The following MYO3A variants were observed in gnomAD, a reference collection of about 807,000 sequenced individuals.
MYO3A encodes myosin-IIIa.
MYO3A carries 180 observed loss-of-function variants against 192.7 expected under a neutral mutation model. That is an observed-to-expected ratio of 0.93 (90% CI 0.83 to 1.06). The LOEUF is 1.06. Ranked by LOEUF, MYO3A falls within the 50% of genes least tolerant of loss-of-function variation. The probability of loss-of-function intolerance (pLI) is 0.00; values close to 1 mark genes in which losing one functional copy is unlikely to be tolerated. For missense variants in MYO3A, 1,896 were observed against 1,905.0 expected (o/e 1.00, Z 0.09); for synonymous variants, 628 against 645.3 (o/e 0.97, Z 0.41).
At chr10:26,196,743 A>G (rs1231107299) in intron 32 of MYO3A, among the ~76,000 whole-genome samples, 1 of 152,182 alleles carries the variant, frequency 6.6e-6, no homozygotes, top group African/African-American at 2.4e-5. Flanking sequence ...CCCTTTCTTG[A>G]TGACCCAGGG....
At chr10:26,142,248 C>G (rs1223896673) in intron 20 of MYO3A, among the ~76,000 whole-genome samples, 1 of 152,242 alleles carries the variant, frequency 6.6e-6, no homozygotes, top group Non-Finnish European at 1.5e-5. Context: ...GATTTATACA[C>G]TTACCCAGGA....
intron 23 of MYO3A, among the ~76,000 whole-genome samples, chr10:26,151,596 C>A (rs1247937622): frequency 6.6e-6 from 1 of 151,946 alleles, no homozygotes; most frequent in Admixed American, 6.6e-5. Flanking sequence ...CACATAGTTG[C>A]GTCTTGGTTT....
At chr10:26,208,030 TGTAA>T (rs1164522351) in intron 34 of MYO3A, among the ~76,000 whole-genome samples, 4 of 151,724 alleles carry the variant, frequency 2.6e-5, no homozygotes, top group East Asian at 1.9e-4. Flanking sequence ...TTGTAGCTAC[TGTAA>T]GTGAGATTGT....
rs1564620758 is a variant in MYO3A, at chr10:26,174,152, A to T, written c.3888A>T (p.Gln1296His). ...EPTLSQRSIY[Q>H]NANSMEKEKK... is the part of the protein sequence containing the mutation. Reference sequence around the variant, plus strand: ...CACTTAGCCAAAGGTCAATTTATCAAAATGCAAACAGCATGGAAAAAGAAA... The same window carrying T: ...CACTTAGCCAAAGGTCAATTTATCATAATGCAAACAGCATGGAAAAAGAAA... Residue 1296 changes from glutamine (Q) to histidine (H), a missense_variant, in exon 30 of 35, where the codon CAA becomes CAT. Physicochemically the swap from Gln to His is conservative, Grantham distance 24. Coordinates refer to ENST00000642920, the MANE Select transcript of MYO3A (RefSeq NM_017433.5). 3 of 1,614,250 alleles carry T rather than the reference A, an allele frequency of 1.9e-6. No homozygotes were observed. In the South Asian group the frequency reaches 3.3e-5, roughly 18 times the overall value.
intron 15 of MYO3A, among the ~76,000 whole-genome samples, chr10:26,089,691 T>G (rs1408510035): frequency 6.6e-6 from 1 of 152,174 alleles, no homozygotes; most frequent in Non-Finnish European, 1.5e-5. Context: ...GGTAAGATAT[T>G]TAAACCTTAA....
At chr10:25,974,132 A>G (rs1838831295) in intron 4 of MYO3A, among the ~76,000 whole-genome samples, 2 of 152,228 alleles carry the variant, frequency 1.3e-5, no homozygotes, top group African/African-American at 4.8e-5. Context: ...AGCAAAAGAA[A>G]CTATCATCAG....
At chr10:26,201,761 G>A (rs577718121) in intron 33 of MYO3A, among the ~76,000 whole-genome samples, 1 of 151,466 alleles carries the variant, frequency 6.6e-6, no homozygotes, top group Non-Finnish European at 1.5e-5. Context: ...ATACATTTAC[G>A]TTACGAATAT....
intron 2 of MYO3A, among the ~76,000 whole-genome samples, chr10:25,950,192 A>G (rs1161044148): frequency 2.6e-5 from 4 of 152,180 alleles, no homozygotes; most frequent in Non-Finnish European, 4.4e-5. Flanking sequence ...GGAAAAGGCT[A>G]TTTGAGGACA....
intron 2 of MYO3A, among the ~76,000 whole-genome samples, chr10:25,946,581 T>C (rs1254874843): frequency 6.6e-6 from 1 of 151,546 alleles, no homozygotes; most frequent in Non-Finnish European, 1.5e-5. Flanking sequence ...CATGGGTTTC[T>C]TTAGATTTGC....
Position 26,024,060 on chromosome 10 carries a change from C to G in MYO3A, c.770C>G (p.Ser257Ter), listed in dbSNP as rs748887227. Residue 257 changes from serine (S) to a stop codon, truncating the protein, a stop_gained, in exon 9 of 35, where the codon TCA becomes TGA. Transcript: ENST00000642920. LOFTEE classifies it high-confidence loss of function. ...PPKLRQPELWSAEFNDFISKC... is the reference protein window; with the variant it reads ...PPKLRQPELW The stretch of plus-strand genomic sequence containing the variant: ...AAACTAAGGCAGCCTGAGCTATGGT[C>G]AGCAGAATTCAATGACTTCATAAGC... The G allele has an allele frequency of 3.7e-6, 6 of 1,612,952 alleles. No homozygotes were observed. In the Admixed American group the frequency reaches 5.0e-5, roughly 13 times the overall value.
intron 6 of MYO3A, among the ~76,000 whole-genome samples, chr10:26,004,080 G>T (rs1271675123): frequency 1.3e-5 from 2 of 152,172 alleles, no homozygotes; most frequent in African/African-American, 4.8e-5. Flanking sequence ...GGACAAGCAA[G>T]CATGGGAGTC....
intron 2 of MYO3A, among the ~76,000 whole-genome samples, chr10:25,948,722 A>T (rs1048319374): frequency 1.3e-5 from 2 of 152,182 alleles, no homozygotes; most frequent in African/African-American, 4.8e-5. Context: ...AGTGTAGTTT[A>T]GCAGTCAAGA....
At chr10:26,113,958 AG>A (rs1175741567) in intron 17 of MYO3A, among the ~76,000 whole-genome samples, 4 of 152,222 alleles carry the variant, frequency 2.6e-5, no homozygotes, top group African/African-American at 7.2e-5. Flanking sequence ...ATTGAACCTA[AG>A]AATAGAGAAC....
chr10:25,949,362 C>A (rs1837059470), intron 2 of MYO3A, among the ~76,000 whole-genome samples: 1 of 152,014 alleles, frequency 6.6e-6, no homozygotes, highest in Admixed American at 6.5e-5. Flanking sequence ...AGGCAGTATT[C>A]CATGTAATGA....
At chr10:26,101,436 A>G (rs980285610) in intron 17 of MYO3A, among the ~76,000 whole-genome samples, 1 of 152,216 alleles carries the variant, frequency 6.6e-6, no homozygotes, top group East Asian at 1.9e-4. Context: ...TCAGCCTGTC[A>G]TTATGATGTT....
At chr10:26,036,413 T>A (rs1269534548) in intron 10 of MYO3A, among the ~76,000 whole-genome samples, 3 of 152,194 alleles carry the variant, frequency 2.0e-5, no homozygotes, top group Non-Finnish European at 4.4e-5. Context: ...TTCATTTCTT[T>A]TGGAAAGAGT....
At chr10:26,028,050 A>G (rs541547142) in intron 10 of MYO3A, among the ~76,000 whole-genome samples, 2 of 152,326 alleles carry the variant, frequency 1.3e-5, no homozygotes, top group East Asian at 3.9e-4. Context: ...TGAATAAGAC[A>G]TTACTTATTT....
intron 10 of MYO3A, among the ~76,000 whole-genome samples, chr10:26,059,742 T>C (rs908812974): frequency 5.3e-5 from 8 of 152,276 alleles, no homozygotes; most frequent in Admixed American, 5.2e-4. Flanking sequence ...AACTCATTGA[T>C]TGTACAACCT....
intron 4 of MYO3A, among the ~76,000 whole-genome samples, chr10:25,959,802 G>GGTGT (rs10543438): frequency 4.4e-4 from 66 of 149,518 alleles, no homozygotes; most frequent in African/African-American, 8.6e-4. Flanking sequence ...TCTTAACCTG[G>GGTGT]GTGTGTGTGT....
Sources: allele counts gnomAD v4.1 joint callset (sites outside exome capture counted in the v4.1 genomes callset), GRCh38; gene constraint gnomAD v4.1.1; transcripts MANE v1.5; gene names NCBI Gene and HGNC (gene_info 2026-07-23, HGNC 2026-07-21).